ACADVL: variants seen among roughly 807,000 people sequenced by gnomAD.
ACADVL encodes the protein very long-chain acyl-CoA dehydrogenase, mitochondrial.
A neutral mutation model predicts 80.4 loss-of-function variants in ACADVL; 73 were observed. The observed-to-expected ratio is 0.91, with a 90% CI of 0.75 to 1.10. The LOEUF (loss-of-function observed/expected upper bound fraction) is 1.10, where lower values mean the gene tolerates loss of function less well. ACADVL is among the 50% of genes least tolerant of loss of function. The pLI, the probability that ACADVL is intolerant of heterozygous loss-of-function variation, is 0.00. For missense variants in ACADVL, 878 were observed against 858.9 expected (o/e 1.02, Z -0.28); for synonymous variants, 392 against 326.5 (o/e 1.20, Z -2.16).
At chr17:7,219,519 G>A (rs1013747831), upstream of ACADVL, 61 of 1,069,198 alleles carry the variant, frequency 5.7e-5, no homozygotes, top group Admixed American at 9.8e-5. Flanking sequence ...CCTCCCTTTT[G>A]TGTTGGCCGA....
rs1555527630 is a variant in ACADVL, at chr17:7,220,461, C to T, written c.139-3C>T. On this transcript the variant is annotated splice_region_variant and splice_polypyrimidine_tract_variant and intron_variant, in intron 2 of 19. Transcript: ENST00000356839. ...TGAACTTGCTAACCGTCTCTTTTCC[C>T]AGCTGGCTCTGGACAAGTCAGATTC... The T allele has an allele frequency of 2.5e-6, 4 of 1,614,222 alleles. No homozygotes were observed. The highest frequency in any genetic ancestry group is 1.7e-6 in the Non-Finnish European group (2 of 1,180,040).
Position 7,224,361 on chromosome 17 carries a change from G to A in ACADVL, c.1573G>A (p.Val525Ile). The A allele has an allele frequency of 1.9e-6, 3 of 1,613,912 alleles. No homozygotes were observed. Among genetic ancestry groups the A allele is most frequent in the Non-Finnish European group, 2.5e-6 (3 of 1,179,976 alleles). ...LGSGLSLSGL[V>I]HPELSRSGEL... The stretch of plus-strand genomic sequence containing the variant: ...CAGCGGCCTGAGTCTCAGCGGACTT[G>A]TCCACCCGGAGTTGAGTCGGAGTGG... The change falls in exon 16 of 20, where the codon GTC becomes ATC. Residue 525 changes from valine to isoleucine, a missense_variant. Transcript: ENST00000356839.
chr17:7,219,018 C>G (rs2071065756), upstream of ACADVL: 2 of 694,574 alleles, frequency 2.9e-6, no homozygotes, highest in Non-Finnish European at 5.0e-6. Flanking sequence ...CTCCACACAC[C>G]CTGGCCCCCT....
At position 7,220,049 on chromosome 17, in the gene ACADVL, C is replaced by T. The variant is rs758445631; in HGVS notation, c.62+3C>T. The T allele has an allele frequency of 6.2e-7, 1 of 1,602,752 alleles. No homozygotes were observed. Among genetic ancestry groups the T allele is most frequent in the African/African-American group, 1.3e-5 (1 of 74,886 alleles). ...CTGCTGAGGCTCGGGGGCGGAAGGT[C>T]TGTGTGTGACAAGAGGGACGGTGGG... On this transcript the variant is annotated splice_donor_region_variant and intron_variant, in intron 1 of 19. Transcript: ENST00000356839.
intron 7 of ACADVL, 85 bp from the exon 8 acceptor site, chr17:7,221,867 C>A: frequency 6.2e-7 from 1 of 1,608,206 alleles, no homozygotes; most frequent in Non-Finnish European, 8.5e-7. Flanking sequence ...TAAGGGGGAA[C>A]TGCCTGCTGG....
intron 7 of ACADVL, 54 bp downstream of exon 7, chr17:7,221,736 G>A: frequency 6.2e-7 from 1 of 1,612,174 alleles, no homozygotes. Flanking sequence ...GCTTGGCACA[G>A]ATTAGGCCAG....
intron 5 of ACADVL, 27 bp downstream of exon 5, chr17:7,220,857 C>T (rs375224240): frequency 6.8e-6 from 11 of 1,614,048 alleles, no homozygotes; most frequent in Non-Finnish European, 9.3e-6. Flanking sequence ...GGCTTGGTCC[C>T]TGGTGAGGTG....
chr17:7,219,147 G>A, upstream of ACADVL: 1 of 487,502 alleles, frequency 2.1e-6, no homozygotes, highest in East Asian at 3.6e-5. Flanking sequence ...CTCCTCCTGG[G>A]CCTCCTCTCA....
At chr17:7,219,561 C>T (rs891100872), upstream of ACADVL, 1 of 1,110,534 alleles carries the variant, frequency 9.0e-7, no homozygotes. Flanking sequence ...TAGAGTCTGT[C>T]TTTCCATGTC....
At position 7,223,884 on chromosome 17, in the gene ACADVL, C is replaced by T. The variant is rs376427620; in HGVS notation, c.1332+9C>T. 42 of 1,613,796 alleles carry T rather than the reference C, an allele frequency of 2.6e-5. No individual in the cohort carries two copies. The highest frequency in any genetic ancestry group is 1.5e-4 in the South Asian group (14 of 91,072). ...GTATGGGCTTCATGAAGGTACAGGA[C>T]GGTCTTCTGCAGAGCCTCGGCTGGG... On this transcript the variant is annotated intron_variant, in intron 13 of 19. Coordinates refer to ENST00000356839, the MANE Select transcript of ACADVL (RefSeq NM_000018.4).
intron 11 of ACADVL, 61 bp from the exon 12 acceptor site, chr17:7,223,583 G>A: frequency 1.3e-6 from 2 of 1,579,458 alleles, no homozygotes; most frequent in South Asian, 1.1e-5. Context: ...TGGGTGATGA[G>A]GCCAAGTCTG....
chr17:7,219,938 A>G lies in ACADVL; in HGVS notation c.-47A>G, dbSNP rs763375468. On this transcript the variant is annotated 5_prime_UTR_variant, in exon 1 of 20. Coordinates refer to ENST00000356839, the MANE Select transcript of ACADVL (RefSeq NM_000018.4). ...CCAGGACGTGGGCGTGCAGGACGCC[A>G]GAGCTGGGTCAGAGCTCGAGCCAGC... 1 of 674,800 alleles carries G rather than the reference A, an allele frequency of 1.5e-6. No individual in the cohort carries two copies. Among genetic ancestry groups the G allele is most frequent in the Non-Finnish European group, 2.3e-6 (1 of 442,486 alleles). 41.8% of individuals were successfully genotyped at this position (674,800 alleles called of 1,614,324 possible). A position where few individuals can be genotyped will look rare whatever the true frequency, so the allele number is the denominator to read the frequency against.
Position 7,221,573 on chromosome 17 carries a change from C to G in ACADVL, c.513C>G (p.Asp171Glu), listed in dbSNP as rs2071227581. The G allele has an allele frequency of 6.2e-7, 1 of 1,614,068 alleles. No individual in the cohort carries two copies. Residue 171 changes from aspartate (D) to glutamate (E), a missense_variant, in exon 7 of 20, where the codon GAC (aspartate) becomes GAG (glutamate). Asp to Glu is a conservative substitution (Grantham distance 45). Coordinates refer to ENST00000356839, the MANE Select transcript of ACADVL (RefSeq NM_000018.4). ...TGGTGGAGATCGTGGGCATGCATGACCTTGGCGTGGGCATTACCCTGGGGG... is the reference window on the plus strand; with the variant it reads ...TGGTGGAGATCGTGGGCATGCATGAGCTTGGCGTGGGCATTACCCTGGGGG... ...ARLVEIVGMH[D>E]LGVGITLGAH...
chr17:7,222,998 C>G (rs1452584988), intron 10 of ACADVL, 133 bp downstream of exon 10: 1 of 1,440,028 alleles, frequency 6.9e-7, no homozygotes. Flanking sequence ...GACTTGCTAG[C>G]TTAGGTCTCC....
chr17:7,220,880 A>G, intron 5 of ACADVL, 44 bp from the exon 6 acceptor site: 1 of 1,614,044 alleles, frequency 6.2e-7, no homozygotes, highest in Non-Finnish European at 8.5e-7. Context: ...TGGAGATGTT[A>G]AGCTCAAAAG....
rs1567564860 is a variant in ACADVL at position 7,222,403 on chromosome 17, A to T, written c.878+101A>T. Reference sequence around the variant, plus strand: ...CACCCTGGGGACGTGTGCAAAAGCCAAAGCAGGTGGACTGAATGTGGCCTT... The same window carrying T: ...CACCCTGGGGACGTGTGCAAAAGCCTAAGCAGGTGGACTGAATGTGGCCTT... On this transcript the variant is annotated intron_variant, in intron 9 of 19. Transcript: ENST00000356839. 1.7e-5 allele frequency: 26 copies of T among 1,519,690 alleles called. No homozygotes were observed. The South Asian group carries it at 2.8e-4, about 17-fold the overall frequency. The allele number at this position is 1,519,690 out of a possible 1,614,324, so 94.1% of individuals were successfully genotyped here. A position where few individuals can be genotyped will look rare whatever the true frequency, so the allele number is the denominator to read the frequency against.
intron 3 of ACADVL, 36 bp from the exon 4 acceptor site, chr17:7,220,568 C>T (rs748428641): frequency 2.5e-6 from 4 of 1,614,126 alleles, no homozygotes; most frequent in Non-Finnish European, 3.4e-6. Flanking sequence ...TAGCCAGACC[C>T]AACCAGAGCC....
chr17:7,221,122 T>C, intron 6 of ACADVL, 64 bp downstream of exon 6: 2 of 1,609,952 alleles, frequency 1.2e-6, no homozygotes, highest in Admixed American at 1.7e-5. Context: ...TCAGCTCTTT[T>C]GCCATAGACC....
At position 7,224,357 on chromosome 17, in the gene ACADVL, A is replaced by G. The variant is rs779048354; in HGVS notation, c.1569A>G (p.Gly523=). The stretch of plus-strand genomic sequence containing the variant: ...TGGGCAGCGGCCTGAGTCTCAGCGG[A>G]CTTGTCCACCCGGAGTTGAGTCGGA... ...AGLGSGLSLS[G]LVHPELSRSG... is the part of the protein sequence containing the mutation. Residue 523 remains glycine (G), a synonymous_variant, in exon 16 of 20, where the codon GGA becomes GGG. Coordinates refer to ENST00000356839, the MANE Select transcript of ACADVL (RefSeq NM_000018.4). The G allele has an allele frequency of 1.9e-6, 3 of 1,613,734 alleles. No individual in the cohort carries two copies. In the East Asian group the frequency reaches 6.7e-5, roughly 36 times the overall value.
Sources: allele counts gnomAD v4.1 joint callset, GRCh38; gene constraint gnomAD v4.1.1; transcripts MANE v1.5; gene names NCBI Gene and HGNC (gene_info 2026-07-23, HGNC 2026-07-21).